Variants in MYO10 observed in about 807,000 individuals in gnomAD.
The protein encoded by MYO10 is myosin X.
A neutral mutation model predicts 257.3 loss-of-function variants in MYO10; 133 were observed. The observed-to-expected ratio is 0.52, with a 90% confidence interval of 0.45 to 0.60. The LOEUF is 0.60. MYO10 is among the 20% of genes least tolerant of loss of function. The pLI is 0.00. For synonymous variants in MYO10, 1,104 were observed against 1,028.6 expected, an observed-to-expected ratio of 1.07 and a Z score of -1.40; for missense variants, 2,399 against 2,635.7, an observed-to-expected ratio of 0.91 and a Z score of 1.97.
chr5:16,811,465 G>A (rs190553741), intron 3 of MYO10, among the ~76,000 whole-genome samples: 275 of 152,246 alleles, frequency 1.8e-3, no homozygotes, highest in African/African-American at 6.4e-3. Context: ...GCCTTCTCCC[G>A]CTGCGATGAG....
intron 3 of MYO10, among the ~76,000 whole-genome samples, chr5:16,812,927 T>TTTA (rs201142952): frequency 0.052 from 4,549 of 86,984 alleles, 170 homozygotes; most frequent in East Asian, 0.28. Context: ...GGTGCTTTTA[T>TTTA]TTTTTTTTTT....
intron 4 of MYO10, among the ~76,000 whole-genome samples, chr5:16,789,404 G>T (rs146279096): frequency 1.1e-4 from 16 of 152,072 alleles, no homozygotes; most frequent in Admixed American, 1.0e-3. Flanking sequence ...GATGAACTTG[G>T]GAAACTTCTC....
chr5:16,882,582 A>C (rs1744785842), intron 1 of MYO10, among the ~76,000 whole-genome samples: 3 of 152,370 alleles, frequency 2.0e-5, no homozygotes, highest in South Asian at 2.1e-4. Flanking sequence ...TTAAAAAAAA[A>C]AATCACTGAT....
intron 19 of MYO10, among the ~76,000 whole-genome samples, chr5:16,743,601 C>T (rs1388412478): frequency 6.6e-6 from 1 of 151,932 alleles, no homozygotes; most frequent in Admixed American, 6.6e-5. Context: ...CGAGATTGCA[C>T]CACTGCACTC....
chr5:16,715,008 A>T (rs1738786965), intron 19 of MYO10, among the ~76,000 whole-genome samples: 1 of 152,194 alleles, frequency 6.6e-6, no homozygotes, highest in Non-Finnish European at 1.5e-5. Context: ...AATGCTTGAG[A>T]GGATGGATAC....
chr5:16,904,262 A>G (rs1198924853), intron 1 of MYO10, among the ~76,000 whole-genome samples: 1 of 152,084 alleles, frequency 6.6e-6, no homozygotes, highest in African/African-American at 2.4e-5. Flanking sequence ...ACCTAGCCCT[A>G]TGCGCCTCTT....
intron 10 of MYO10, 58 bp from the exon 11 acceptor site, chr5:16,766,256 T>C: frequency 7.6e-7 from 1 of 1,309,222 alleles, no homozygotes; most frequent in Non-Finnish European, 1.1e-6. Context: ...CTAACCAGGC[T>C]TAGCGATACC....
intron 26 of MYO10, among the ~76,000 whole-genome samples, chr5:16,698,571 T>C (rs1239293839): frequency 6.6e-6 from 1 of 151,586 alleles, no homozygotes; most frequent in Admixed American, 6.6e-5. Context: ...TTCCCCCATG[T>C]CTAGCACATC....
intron 1 of MYO10, among the ~76,000 whole-genome samples, chr5:16,927,068 C>T (rs1209874887): frequency 6.6e-6 from 1 of 152,154 alleles, no homozygotes; most frequent in Non-Finnish European, 1.5e-5. Context: ...AATTTGTAAG[C>T]ATGGTTTATA....
chr5:16,877,538 C>G, intron 2 of MYO10, 71 bp downstream of exon 2: 1 of 1,250,836 alleles, frequency 8.0e-7, no homozygotes, highest in South Asian at 1.2e-5. Context: ...GGGCCAAGCA[C>G]ACATGCCCTG....
chr5:16,919,116 C>T (rs1053012033), intron 1 of MYO10, among the ~76,000 whole-genome samples: 2 of 152,134 alleles, frequency 1.3e-5, no homozygotes, highest in Admixed American at 6.6e-5. Context: ...ATAGCTCACA[C>T]CTGTAATCCC....
At chr5:16,788,237 G>A (rs1741650200) in intron 4 of MYO10, among the ~76,000 whole-genome samples, 2 of 152,140 alleles carry the variant, frequency 1.3e-5, no homozygotes, top group Admixed American at 1.3e-4. Flanking sequence ...GAAAGGGACA[G>A]GATTGCTGAG....
intron 2 of MYO10, among the ~76,000 whole-genome samples, chr5:16,840,232 G>A (rs1743436403): frequency 6.6e-6 from 1 of 152,124 alleles, no homozygotes; most frequent in East Asian, 1.9e-4. Flanking sequence ...GAACAACATG[G>A]TGAAAACTTG....
intron 2 of MYO10, among the ~76,000 whole-genome samples, chr5:16,829,886 T>C (rs1235681566): frequency 6.6e-6 from 1 of 150,770 alleles, no homozygotes; most frequent in Non-Finnish European, 1.5e-5. Flanking sequence ...GAACGGCTAA[T>C]ACACACACAC....
At chr5:16,748,499 C>A (rs550673480) in intron 19 of MYO10, among the ~76,000 whole-genome samples, 1 of 150,192 alleles carries the variant, frequency 6.7e-6, no homozygotes, top group South Asian at 2.2e-4. Context: ...CGCCCCCCCG[C>A]CCCCCATCAG....
chr5:16,676,297 AC>A, intron 33 of MYO10, 143 bp from the exon 34 acceptor site: 1 of 932,400 alleles, frequency 1.1e-6, no homozygotes, highest in Non-Finnish European at 1.6e-6. Flanking sequence ...GGACGAAGAT[AC>A]CCATAATCTG....
At chr5:16,846,528 G>C (rs1025585469) in intron 2 of MYO10, among the ~76,000 whole-genome samples, 4 of 152,174 alleles carry the variant, frequency 2.6e-5, no homozygotes, top group African/African-American at 9.7e-5. Context: ...ACTTTCAAAG[G>C]CTATATTATC....
chr5:16,886,600 C>T (rs189298453), intron 1 of MYO10, among the ~76,000 whole-genome samples: 27 of 152,208 alleles, frequency 1.8e-4, no homozygotes, highest in Admixed American at 1.8e-3. Flanking sequence ...TCGTCATCAT[C>T]ATTTCTCAAG....
chr5:16,791,557 CACACAT>C lies in MYO10; in HGVS notation c.467+3083_467+3088del, dbSNP rs1052429672. ...TTTAATACATACATACACACACACACACACATACACATATGCACAATGATCTCATTT... is the reference window on the plus strand; with the variant it reads ...TTTAATACATACATACACACACACACACACATATGCACAATGATCTCATTT... On this transcript the variant is annotated intron_variant, in intron 4 of 40. Coordinates refer to ENST00000513610, the MANE Select transcript of MYO10 (RefSeq NM_012334.3). 5.4e-4 allele frequency among the ~76,000 whole-genome samples: 69 copies of C among 126,626 alleles called. No individual in the cohort carries two copies. In the Middle Eastern group the frequency reaches 0.013, roughly 24 times the overall value. The allele number at this position is 126,626 out of a possible 152,430, so 83.1% of individuals were successfully genotyped here.
Sources: gnomAD v4.1 joint callset for allele counts (sites outside exome capture counted in the v4.1 genomes callset) on GRCh38, gnomAD v4.1.1 for gene constraint, MANE v1.5 for transcripts, NCBI Gene and HGNC (gene_info 2026-07-23, HGNC 2026-07-21) for gene names.